THRAP3: variants seen among roughly 807,000 people sequenced by gnomAD.
THRAP3 encodes the protein thyroid hormone receptor-associated protein 3.
Under a neutral mutation model 101.0 loss-of-function variants are expected in THRAP3, and 16 were observed. That is an observed-to-expected ratio of 0.16 (90% CI 0.11 to 0.24). The LOEUF (loss-of-function observed/expected upper bound fraction) is 0.24. Ranked by LOEUF, THRAP3 falls within the 10% of genes least tolerant of loss-of-function variation. THRAP3 has a pLI of 1.00. For synonymous variants in THRAP3, 407 were observed against 422.6 expected, an observed-to-expected ratio of 0.96 and a Z score of 0.45; for missense variants, 989 against 1,202.7, an observed-to-expected ratio of 0.82 and a Z score of 2.63.
At chr1:36,238,945 A>T (rs1438586436) in intron 1 of THRAP3, among the ~76,000 whole-genome samples, 2 of 150,582 alleles carry the variant, frequency 1.3e-5, no homozygotes, top group Non-Finnish European at 3.0e-5. Flanking sequence ...TATTATTATT[A>T]TTTTTTGAGA....
Position 36,287,172 on chromosome 1 carries a change from G to A in THRAP3, c.942G>A (p.Lys314=). The change falls in exon 4 of 12, where the codon AAG becomes AAA. Residue 314 remains lysine, a synonymous_variant. Coordinates refer to ENST00000354618, the MANE Select transcript of THRAP3 (RefSeq NM_005119.4). The stretch of plus-strand genomic sequence containing the variant: ...CTGGGTCCCTGAGTCCATCCAAAAA[G>A]AGCCCTGTGGGTAAGAGTCCACCAT... The part of the protein sequence containing the change: ...HGSGSLSPSK[K]SPVGKSPPST... The A allele has an allele frequency of 6.2e-7, 1 of 1,614,180 alleles. No individual in the cohort carries two copies. The highest frequency in any genetic ancestry group is 8.5e-7 in the Non-Finnish European group (1 of 1,180,020).
At chr1:36,253,913 T>C (rs1034133083) in intron 1 of THRAP3, among the ~76,000 whole-genome samples, 16 of 151,990 alleles carry the variant, frequency 1.1e-4, no homozygotes, top group South Asian at 2.1e-4. Context: ...TCTTTGTAAT[T>C]TTAAACTGTA....
intron 1 of THRAP3, among the ~76,000 whole-genome samples, chr1:36,255,110 G>C (rs990343446): frequency 7.2e-5 from 11 of 152,088 alleles, no homozygotes; most frequent in Non-Finnish European, 1.3e-4. Flanking sequence ...GTGGGGAATT[G>C]CTGAGATTAC....
At chr1:36,303,634 C>G (rs1194539659) in intron 11 of THRAP3, among the ~76,000 whole-genome samples, 162 bp from the exon 12 acceptor site, 1 of 152,134 alleles carries the variant, frequency 6.6e-6, no homozygotes, top group Non-Finnish European at 1.5e-5. Flanking sequence ...GAACCACTGG[C>G]ATTTTTGGAG....
intron 1 of THRAP3, among the ~76,000 whole-genome samples, chr1:36,243,612 C>A (rs1338135093): frequency 1.3e-5 from 2 of 152,228 alleles, no homozygotes; most frequent in Non-Finnish European, 2.9e-5. Flanking sequence ...TACACAGACA[C>A]GGCAACCATC....
intron 2 of THRAP3, among the ~76,000 whole-genome samples, chr1:36,279,928 C>T (rs970294854): frequency 5.9e-5 from 9 of 152,148 alleles, no homozygotes; most frequent in African/African-American, 1.2e-4. Flanking sequence ...TCCATAAGTT[C>T]GTTAGTACCC....
intron 2 of THRAP3, among the ~76,000 whole-genome samples, chr1:36,263,281 G>A (rs1645471546): frequency 6.6e-6 from 1 of 151,910 alleles, no homozygotes; most frequent in Admixed American, 6.6e-5. Context: ...TGTATTTCTT[G>A]TAGAGATGAG....
At chr1:36,236,746 C>T (rs985738296) in intron 1 of THRAP3, among the ~76,000 whole-genome samples, 1 of 152,230 alleles carries the variant, frequency 6.6e-6, no homozygotes, top group Non-Finnish European at 1.5e-5. Context: ...TAAACTCTAC[C>T]TCTCAGCCCA....
intron 2 of THRAP3, among the ~76,000 whole-genome samples, chr1:36,266,646 G>A (rs1214038086): frequency 6.6e-6 from 1 of 152,144 alleles, no homozygotes; most frequent in East Asian, 1.9e-4. Flanking sequence ...CCTCACCCCA[G>A]TAGGATTCTG....
At chr1:36,298,622 T>TA (rs1475669418) in intron 9 of THRAP3, among the ~76,000 whole-genome samples, 1 of 152,110 alleles carries the variant, frequency 6.6e-6, no homozygotes, top group Admixed American at 6.5e-5. Flanking sequence ...GCCTTCCAAC[T>TA]AGGCTGAGCT....
chr1:36,302,203 T>C (rs1369683242), intron 11 of THRAP3, among the ~76,000 whole-genome samples: 2 of 152,226 alleles, frequency 1.3e-5, no homozygotes, highest in South Asian at 2.1e-4. Flanking sequence ...TTAATACTTT[T>C]ATAGGCTGAA....
chr1:36,292,686 C>A lies in THRAP3; in HGVS notation c.2007C>A (p.Asn669Lys). The change falls in exon 7 of 12, where the codon AAC becomes AAA. Residue 669 changes from asparagine (N) to lysine (K), a missense_variant. By Grantham distance (94) the Asn-to-Lys change is moderately conservative. Coordinates refer to ENST00000354618, the MANE Select transcript of THRAP3 (RefSeq NM_005119.4). ...GAACTGAGCAGGAGGCAGCCAAAAA[C>A]AAGAAAAGCCCAGAGATACACAGGT... is the stretch of plus-strand genomic sequence containing the variant. ...KRGTEQEAAK[N>K]KKSPEIHRRI... 1 of 1,613,530 alleles carries A rather than the reference C, an allele frequency of 6.2e-7. No individual in the cohort carries two copies. The highest frequency in any genetic ancestry group is 1.3e-5 in the African/African-American group (1 of 75,022).
chr1:36,292,250 G>GTTTTTTTTTTT, intron 6 of THRAP3, among the ~76,000 whole-genome samples: 1 of 68,688 alleles, frequency 1.5e-5, no homozygotes, highest in Non-Finnish European at 2.8e-5. Flanking sequence ...GTAACATAAT[G>GTTTTTTTTTTT]TGTTTCTTTG....
chr1:36,227,985 C>G (rs1644981334), intron 1 of THRAP3, among the ~76,000 whole-genome samples: 1 of 152,146 alleles, frequency 6.6e-6, no homozygotes, highest in South Asian at 2.1e-4. Flanking sequence ...AAGCGATTCT[C>G]CTGCCTCAGC....
In THRAP3 at chr1:36,255,078, T is replaced by C. The variant is rs143865245; in HGVS notation, c.-134-4304T>C. Among the ~76,000 whole-genome samples, 879 of 152,338 alleles carry C rather than the reference T, an allele frequency of 5.8e-3. 11 individuals carry two copies. The highest frequency in any genetic ancestry group is 0.02 in the African/African-American group (831 of 41,586). On this transcript the variant is annotated intron_variant, in intron 1 of 11. Transcript: ENST00000354618. ...GTTTATTTGCTAAGCTGTCATCTTA[T>C]GCTTAGTATTTTTTTTTTACAGTGG...
the THRAP3 span, among the ~76,000 whole-genome samples, chr1:36,207,831 C>T: frequency 2.6e-4 from 40 of 152,186 alleles, no homozygotes; most frequent in Admixed American, 2.0e-3. Context: ...CTCACTCTGT[C>T]GCCCAGGTTG....
intron 2 of THRAP3, 45 bp from the exon 3 acceptor site, chr1:36,282,470 CCAAAGAGGTTCACATTTG>C: frequency 8.3e-7 from 1 of 1,199,774 alleles, no homozygotes; most frequent in Non-Finnish European, 1.2e-6. Context: ...TCTAAAATGT[CCAAAGAGGTTCACATTTG>C]CAAAGGAACT....
At chr1:36,264,169 C>T (rs972743462) in intron 2 of THRAP3, among the ~76,000 whole-genome samples, 5 of 152,186 alleles carry the variant, frequency 3.3e-5, no homozygotes, top group Non-Finnish European at 7.3e-5. Context: ...ACGCCATTCT[C>T]CTTCTTGTAG....
intron 1 of THRAP3, among the ~76,000 whole-genome samples, chr1:36,234,131 GT>G (rs1257427738): frequency 5.3e-5 from 8 of 151,884 alleles, no homozygotes; most frequent in Non-Finnish European, 1.2e-4. Flanking sequence ...AATTTTTGTA[GT>G]TTTATAGAGA....
Sources: gnomAD v4.1 joint callset for allele counts (sites outside exome capture counted in the v4.1 genomes callset) on GRCh38, gnomAD v4.1.1 for gene constraint, MANE v1.5 for transcripts, NCBI Gene and HGNC (gene_info 2026-07-23, HGNC 2026-07-21) for gene names.